TMEM132D: variants seen among roughly 807,000 people sequenced by gnomAD.
The protein encoded by TMEM132D is transmembrane protein 132D, also known as mature OL transmembrane protein.
Under a neutral mutation model 62.3 loss-of-function variants are expected in TMEM132D, and 21 were observed. The ratio of observed to expected loss-of-function variants is 0.34; its 90% confidence interval spans 0.24 to 0.49. The LOEUF (loss-of-function observed/expected upper bound fraction) is 0.49, where lower values mean the gene tolerates loss of function less well. Among genes scored for constraint, TMEM132D ranks in the 20% least tolerant of loss-of-function variants. The pLI is 0.99. For missense variants in TMEM132D, 1,346 were observed against 1,402.8 expected (o/e 0.96, Z 0.65); for synonymous variants, 621 against 575.6 (o/e 1.08, Z -1.13).
intron 2 of TMEM132D, among the ~76,000 whole-genome samples, chr12:129,684,905 T>A (rs1049210204): frequency 3.9e-5 from 6 of 152,128 alleles, no homozygotes; most frequent in African/African-American, 1.4e-4. Flanking sequence ...GCCTTAGAGA[T>A]CTGTGGATTG....
At chr12:129,265,040 A>G (rs1521055) in intron 4 of TMEM132D, among the ~76,000 whole-genome samples, 27,868 of 152,004 alleles carry the variant, frequency 0.18, 3,040 homozygotes, top group East Asian at 0.3. Flanking sequence ...ACCAAGGACC[A>G]CCTGTACCCC....
At chr12:129,890,991 C>T (rs907266535) in intron 1 of TMEM132D, among the ~76,000 whole-genome samples, 3 of 152,132 alleles carry the variant, frequency 2.0e-5, no homozygotes, top group Non-Finnish European at 2.9e-5. Flanking sequence ...AATCAGGGAA[C>T]TCTCATTCCA....
intron 1 of TMEM132D, among the ~76,000 whole-genome samples, chr12:129,864,359 C>T (rs1256191102): frequency 6.6e-6 from 1 of 152,176 alleles, no homozygotes; most frequent in Non-Finnish European, 1.5e-5. Context: ...GAATTTCTCT[C>T]CTATAGAAAC....
At chr12:129,758,409 G>A (rs1290671491) in intron 1 of TMEM132D, among the ~76,000 whole-genome samples, 1 of 152,122 alleles carries the variant, frequency 6.6e-6, no homozygotes, top group East Asian at 1.9e-4. Flanking sequence ...CATGCTGTAA[G>A]CTCTCACAAT....
At chr12:129,209,771 C>G (rs992821794) in intron 4 of TMEM132D, 108 bp from the exon 5 acceptor site, 2 of 1,459,028 alleles carry the variant, frequency 1.4e-6, no homozygotes, top group Non-Finnish European at 1.9e-6. Flanking sequence ...GCACTGGCCT[C>G]TTCTGCAGGC....
chr12:129,704,034 C>T (rs974426104), intron 1 of TMEM132D, among the ~76,000 whole-genome samples: 5 of 151,594 alleles, frequency 3.3e-5, no homozygotes, highest in African/African-American at 1.2e-4. Flanking sequence ...ACATAGAAAA[C>T]AGAATGATTA....
At chr12:129,457,551 C>A (rs568584128) in intron 3 of TMEM132D, among the ~76,000 whole-genome samples, 1 of 151,488 alleles carries the variant, frequency 6.6e-6, no homozygotes, top group Non-Finnish European at 1.5e-5. Flanking sequence ...TGTAACAAAC[C>A]TGCATGTTGT....
At chr12:129,793,246 T>C (rs1234022968) in intron 1 of TMEM132D, among the ~76,000 whole-genome samples, 1 of 152,134 alleles carries the variant, frequency 6.6e-6, no homozygotes, top group Non-Finnish European at 1.5e-5. Flanking sequence ...CAATTCCCCA[T>C]GCCCTTAAGG....
chr12:129,622,097 C>G (rs1404359285), intron 2 of TMEM132D, among the ~76,000 whole-genome samples: 1 of 152,176 alleles, frequency 6.6e-6, no homozygotes, highest in Non-Finnish European at 1.5e-5. Context: ...GGAACTCTCT[C>G]TTCTCAGAGA....
chr12:129,145,746 G>C lies in TMEM132D; in HGVS notation c.1444-61044C>G, dbSNP rs143976236. ...CAGTCACTTTCCAAGTCAGAAGGCT[G>C]TGAAGTCATCCTTCCCCCTCCCCAG... On this transcript the variant is annotated intron_variant, in intron 5 of 8. Coordinates refer to ENST00000422113, the MANE Select transcript of TMEM132D (RefSeq NM_133448.3). 6.2e-3 allele frequency among the ~76,000 whole-genome samples: 944 copies of C among 152,256 alleles called. 32 individuals are homozygous for C. The highest frequency in any genetic ancestry group is 0.051 in the Admixed American group (777 of 15,300).
chr12:129,238,796 C>T (rs994655877), intron 4 of TMEM132D, among the ~76,000 whole-genome samples: 9 of 152,242 alleles, frequency 5.9e-5, no homozygotes, highest in African/African-American at 1.7e-4. Context: ...CATGGGTGTC[C>T]GAATATCCCT....
At chr12:129,476,235 C>T (rs1447500172) in intron 3 of TMEM132D, among the ~76,000 whole-genome samples, 2 of 152,218 alleles carry the variant, frequency 1.3e-5, no homozygotes, top group Admixed American at 1.3e-4. Flanking sequence ...TGGGAATGTA[C>T]ACACGGTGGG....
intron 5 of TMEM132D, among the ~76,000 whole-genome samples, chr12:129,146,400 C>T (rs567596714): frequency 6.0e-4 from 91 of 152,350 alleles, no homozygotes; most frequent in Non-Finnish European, 1.1e-3. Flanking sequence ...AGCTTCCCTA[C>T]TGGTTTTCTG....
At chr12:129,400,167 G>T (rs1871577269) in intron 3 of TMEM132D, among the ~76,000 whole-genome samples, 1 of 152,046 alleles carries the variant, frequency 6.6e-6, no homozygotes. Context: ...AATAAGTGAG[G>T]CCCCAAATTC....
intron 5 of TMEM132D, among the ~76,000 whole-genome samples, chr12:129,186,467 C>T (rs1201996382): frequency 1.3e-5 from 2 of 152,226 alleles, no homozygotes; most frequent in Non-Finnish European, 2.9e-5. Flanking sequence ...CTTGCACCTC[C>T]CCACTTGACC....
At position 129,700,360 on chromosome 12, in the gene TMEM132D, G is replaced by A. The variant is rs2137227023; in HGVS notation, c.418C>T (p.Leu140=). 1.2e-6 allele frequency: 2 copies of A among 1,614,126 alleles called. No individual in the cohort carries two copies. Among genetic ancestry groups the A allele is most frequent in the Non-Finnish European group, 1.7e-6 (2 of 1,180,050 alleles). ...KAHILRDKVY[L]SRPKVQVLFH... is the part of the protein sequence containing the mutation. ...AGAACCTGCACTTTGGGCCGGCTCA[G>A]GTAGACTTTGTCCCGCAGGATGTGG... Residue 140 remains leucine (L), a synonymous_variant, in exon 2 of 9, where the codon CTG becomes TTG. Coordinates refer to ENST00000422113, the MANE Select transcript of TMEM132D (RefSeq NM_133448.3).
intron 3 of TMEM132D, among the ~76,000 whole-genome samples, chr12:129,389,031 CGATAATAATATTAACACTAACA>C (rs1871222549): frequency 9.4e-6 from 1 of 106,428 alleles, no homozygotes; most frequent in Admixed American, 9.2e-5. Context: ...CAATCCAGCA[CGATAATAATATTAACACTAACA>C]TGAATCCTAA....
intron 4 of TMEM132D, among the ~76,000 whole-genome samples, chr12:129,255,388 C>T (rs1005151466): frequency 6.6e-6 from 1 of 152,180 alleles, no homozygotes; most frequent in Non-Finnish European, 1.5e-5. Flanking sequence ...CTGATGTGTT[C>T]ACTCAAGGTT....
At chr12:129,557,725 A>G (rs1034092617) in intron 2 of TMEM132D, among the ~76,000 whole-genome samples, 8 of 152,150 alleles carry the variant, frequency 5.3e-5, no homozygotes, top group African/African-American at 1.7e-4. Context: ...CAAAAACAAA[A>G]CAAAACAAAA....
Sources: gnomAD v4.1 joint callset for allele counts (sites outside exome capture counted in the v4.1 genomes callset) on GRCh38, gnomAD v4.1.1 for gene constraint, MANE v1.5 for transcripts, NCBI Gene and HGNC (gene_info 2026-07-23, HGNC 2026-07-21) for gene names.